HECW2: variants seen among roughly 807,000 people sequenced by gnomAD.
The protein encoded by HECW2 is HECT, C2 and WW domain containing E3 ubiquitin protein ligase 2.
Under a neutral mutation model 175.2 loss-of-function variants are expected in HECW2, and 61 were observed. The observed-to-expected ratio is 0.35, with a 90% CI of 0.28 to 0.43. HECW2 has a LOEUF of 0.43. HECW2 is among the 20% of genes least tolerant of loss of function. HECW2 has a pLI of 1.00. For synonymous variants in HECW2, 671 were observed against 731.0 expected (o/e 0.92, Z 1.32); for missense variants, 1,524 against 2,000.5 (o/e 0.76, Z 4.54).
At chr2:196,400,641 C>T (rs1694791708) in intron 2 of HECW2, among the ~76,000 whole-genome samples, 1 of 152,030 alleles carries the variant, frequency 6.6e-6, no homozygotes, top group Admixed American at 6.6e-5. Flanking sequence ...GGACTGAATC[C>T]CAGTCACAGC....
At chr2:196,380,518 G>C (rs961586865) in intron 2 of HECW2, among the ~76,000 whole-genome samples, 1 of 152,180 alleles carries the variant, frequency 6.6e-6, no homozygotes, top group Non-Finnish European at 1.5e-5. Context: ...CCTCAGGTAA[G>C]TGCAGTGTTA....
At chr2:196,497,085 G>A (rs1687418649) in intron 1 of HECW2, among the ~76,000 whole-genome samples, 1 of 152,140 alleles carries the variant, frequency 6.6e-6, no homozygotes, top group Non-Finnish European at 1.5e-5. Context: ...CCAAAGGAGG[G>A]AGAAAGGTGA....
At chr2:196,251,479 T>C (rs1688851770) in intron 19 of HECW2, among the ~76,000 whole-genome samples, 1 of 152,192 alleles carries the variant, frequency 6.6e-6, no homozygotes, top group Admixed American at 6.5e-5. Context: ...TTTCCAGCTG[T>C]CTTTGGGAAT....
chr2:196,204,269 A>G (rs1453434448), intron 28 of HECW2, among the ~76,000 whole-genome samples: 1 of 152,210 alleles, frequency 6.6e-6, no homozygotes, highest in Non-Finnish European at 1.5e-5. Flanking sequence ...GCAACATTTT[A>G]CATTTCCATC....
intron 1 of HECW2, among the ~76,000 whole-genome samples, chr2:196,496,853 T>C (rs938453504): frequency 6.6e-6 from 1 of 152,190 alleles, no homozygotes; most frequent in East Asian, 1.9e-4. Flanking sequence ...ATCTATTCTA[T>C]ATCATGGCAG....
chr2:196,430,988 T>C (rs1695694579), intron 2 of HECW2, among the ~76,000 whole-genome samples: 2 of 152,020 alleles, frequency 1.3e-5, no homozygotes, highest in South Asian at 4.1e-4. Flanking sequence ...AAGTATAGCA[T>C]AGACAAACTG....
intron 2 of HECW2, among the ~76,000 whole-genome samples, chr2:196,388,380 C>T (rs573259105): frequency 1.1e-4 from 16 of 152,178 alleles, no homozygotes; most frequent in African/African-American, 3.4e-4. Flanking sequence ...TTAGGTCTAT[C>T]GATTTAATAA....
intron 1 of HECW2, among the ~76,000 whole-genome samples, chr2:196,588,343 T>A (rs1436986118): frequency 3.9e-5 from 6 of 152,244 alleles, no homozygotes; most frequent in African/African-American, 1.4e-4. Context: ...TTAAATTTTT[T>A]CATTGCTTTT....
At chr2:196,416,688 A>G (rs1208329004) in intron 2 of HECW2, among the ~76,000 whole-genome samples, 1 of 152,258 alleles carries the variant, frequency 6.6e-6, no homozygotes, top group African/African-American at 2.4e-5. Context: ...TGTGTGACCC[A>G]AGAGGGAACG....
intron 1 of HECW2, among the ~76,000 whole-genome samples, chr2:196,489,907 C>T (rs1241598249): frequency 6.6e-6 from 1 of 152,244 alleles, no homozygotes; most frequent in Non-Finnish European, 1.5e-5. Flanking sequence ...ACTGGGGTGG[C>T]CAAGGGACCT....
In HECW2 at chr2:196,425,045, T is replaced by G. The variant is rs547415338; in HGVS notation, c.292+8087A>C. Among the ~76,000 whole-genome samples, 11 of 152,242 alleles carry G rather than the reference T, an allele frequency of 7.2e-5. No individual in the cohort carries two copies. In the South Asian group the frequency reaches 2.3e-3, roughly 32 times the overall value. On this transcript the variant is annotated intron_variant, in intron 2 of 28. Coordinates refer to ENST00000644978, the MANE Select transcript of HECW2 (RefSeq NM_001348768.2). Reference sequence around the variant, plus strand: ...GGTGACTTTAAGTTGAAGCCAATGCTCATTTACCATTCCAGAAATCCTAGA... The same window carrying G: ...GGTGACTTTAAGTTGAAGCCAATGCGCATTTACCATTCCAGAAATCCTAGA...
At chr2:196,423,716 T>TGTGTGTGTGTG (rs1380274391) in intron 2 of HECW2, among the ~76,000 whole-genome samples, 3 of 13,548 alleles carry the variant, frequency 2.2e-4, no homozygotes, top group South Asian at 2.4e-3. Flanking sequence ...GTGTGTGTGT[T>TGTGTGTGTGTG]TATCACATTT....
At chr2:196,521,304 A>AAAAAG (rs1553531650) in intron 1 of HECW2, among the ~76,000 whole-genome samples, 6 of 148,172 alleles carry the variant, frequency 4.0e-5, no homozygotes, top group African/African-American at 1.5e-4. Context: ...AAAAAAAAAA[A>AAAAAG]AAAGAAAGAA....
chr2:196,237,079 C>T (rs184930587), intron 21 of HECW2, among the ~76,000 whole-genome samples: 229 of 152,288 alleles, frequency 1.5e-3, no homozygotes, highest in African/African-American at 4.9e-3. Context: ...GGCCAAATTA[C>T]ATCATGTGCC....
intron 1 of HECW2, among the ~76,000 whole-genome samples, chr2:196,462,177 A>G (rs76394277): frequency 1.3e-3 from 199 of 152,330 alleles, no homozygotes; most frequent in African/African-American, 4.5e-3. Context: ...TTATAATAAT[A>G]AAACCTGGAT....
At chr2:196,548,306 G>A (rs1297196838) in intron 1 of HECW2, among the ~76,000 whole-genome samples, 1 of 143,454 alleles carries the variant, frequency 7.0e-6, no homozygotes, top group Non-Finnish European at 1.5e-5. Flanking sequence ...CTCCAGCCTG[G>A]ATGACAGAGC....
chr2:196,310,570 T>C (rs1190640566), intron 10 of HECW2, among the ~76,000 whole-genome samples: 2 of 152,190 alleles, frequency 1.3e-5, no homozygotes, highest in East Asian at 1.9e-4. Flanking sequence ...TATGTCTTTA[T>C]ATTGGGCCTG....
rs761307025 is a variant in HECW2 at position 196,240,398 on chromosome 2, G to T, written c.3764+51C>A. The T allele has an allele frequency of 3.6e-5, 47 of 1,309,796 alleles. No individual in the cohort carries two copies. The Admixed American group carries it at 1.1e-3, about 31-fold the overall frequency. 81.1% of individuals were successfully genotyped at this position (1,309,796 alleles called of 1,614,324 possible). ...ACCACAGCGACGTGGAGAAACATCC[G>T]CCTTGTGGCCACAGCCTATGTTCCA... is the stretch of plus-strand genomic sequence containing the variant. On this transcript the variant is annotated intron_variant, in intron 21 of 28. Coordinates refer to ENST00000644978, the MANE Select transcript of HECW2 (RefSeq NM_001348768.2).
chr2:196,512,584 C>T (rs1210566074), intron 1 of HECW2, among the ~76,000 whole-genome samples: 1 of 152,032 alleles, frequency 6.6e-6, no homozygotes, highest in African/African-American at 2.4e-5. Flanking sequence ...TAGATGAGGT[C>T]TCACTATGTT....
Sources: gnomAD v4.1 joint callset for allele counts (sites outside exome capture counted in the v4.1 genomes callset) on GRCh38, gnomAD v4.1.1 for gene constraint, MANE v1.5 for transcripts, NCBI Gene and HGNC (gene_info 2026-07-23, HGNC 2026-07-21) for gene names.